EYS: variants seen among roughly 807,000 people sequenced by gnomAD.
EYS encodes the protein EGF-like photoreceptor maintenance factor, also known as protein eyes shut homolog.
A neutral mutation model predicts 282.1 loss-of-function variants in EYS; 250 were observed. The ratio of observed to expected loss-of-function variants is 0.89; its 90% confidence interval spans 0.80 to 0.98. The LOEUF (loss-of-function observed/expected upper bound fraction) is 0.98, where lower values mean the gene tolerates loss of function less well. Among genes scored for constraint, EYS ranks in the 50% least tolerant of loss-of-function variants. EYS has a pLI of 0.00. For synonymous variants in EYS, 1,355 were observed against 1,282.9 expected (o/e 1.06, Z -1.20); for missense variants, 4,016 against 3,709.0 (o/e 1.08, Z -2.15).
intron 5 of EYS, among the ~76,000 whole-genome samples, chr6:65,424,493 T>A (rs1278387193): frequency 6.6e-6 from 1 of 152,028 alleles, no homozygotes; most frequent in Non-Finnish European, 1.5e-5. Context: ...TACACAGTAT[T>A]AAATAAATGC....
intron 26 of EYS, among the ~76,000 whole-genome samples, chr6:64,584,299 A>G (rs1281018921): frequency 1.3e-5 from 2 of 151,982 alleles, no homozygotes; most frequent in Non-Finnish European, 2.9e-5. Flanking sequence ...GGTTGTATAC[A>G]TGGTTTTACA....
chr6:64,704,140 C>A (rs1770890791), intron 22 of EYS, among the ~76,000 whole-genome samples: 1 of 151,720 alleles, frequency 6.6e-6, no homozygotes, highest in African/African-American at 2.4e-5. Flanking sequence ...GCATGAAATT[C>A]TAAACAAGAA....
intron 12 of EYS, among the ~76,000 whole-genome samples, chr6:65,062,847 T>C (rs971681404): frequency 6.6e-6 from 1 of 151,870 alleles, no homozygotes; most frequent in Non-Finnish European, 1.5e-5. Context: ...TCTTTTACTT[T>C]GCTTTATAAA....
intron 19 of EYS, among the ~76,000 whole-genome samples, chr6:64,845,495 T>C (rs531945867): frequency 3.3e-5 from 5 of 149,936 alleles, no homozygotes; most frequent in African/African-American, 1.2e-4. Flanking sequence ...ATATAATTGA[T>C]TTTATTCAAG....
rs191327656 is a variant in EYS, at chr6:64,479,547, T to C, written c.5645-40195A>G. On this transcript the variant is annotated intron_variant, in intron 26 of 42. Transcript: ENST00000503581. ...AATGCATCATTCCCTGAACTATAAA[T>C]GCTTGGCTGTTTGTTTTAAATCCTT... 1.2e-3 allele frequency among the ~76,000 whole-genome samples: 177 copies of C among 152,106 alleles called. 1 individual carries two copies. The highest frequency in any genetic ancestry group is 1.9e-3 in the Non-Finnish European group (130 of 67,924).
rs1766364827 is a variant in EYS at position 65,619,243 on chromosome 6, T to C, written c.-333+20535A>G. On this transcript the variant is annotated intron_variant, in intron 2 of 42. Coordinates refer to ENST00000503581, the MANE Select transcript of EYS (RefSeq NM_001142800.2). ...TTTTATTTCATTGAGCAGTGGTTTG[T>C]AGTTCTCCTTGAAGAGGTCCTTCAC... is the stretch of plus-strand genomic sequence containing the variant. Among the ~76,000 whole-genome samples, 2 of 151,622 alleles carry C rather than the reference T, an allele frequency of 1.3e-5. 1 individual carries two copies. The highest frequency in any genetic ancestry group is 4.2e-4 in the South Asian group (2 of 4,778).
intron 36 of EYS, among the ~76,000 whole-genome samples, chr6:63,820,458 A>G (rs2149685536): frequency 6.6e-6 from 1 of 152,302 alleles, no homozygotes; most frequent in Admixed American, 6.5e-5. Flanking sequence ...TTTTAAAAAA[A>G]TTGTCCAAAT....
intron 35 of EYS, among the ~76,000 whole-genome samples, chr6:63,874,394 A>G (rs6914379): frequency 0.5 from 76,345 of 152,002 alleles, 20,656 homozygotes; most frequent in African/African-American, 0.7. Context: ...TTTTGTTACC[A>G]TAGCCTTGTA....
chr6:65,202,758 T>C (rs965612025), intron 12 of EYS, among the ~76,000 whole-genome samples: 2 of 151,834 alleles, frequency 1.3e-5, no homozygotes, highest in African/African-American at 4.8e-5. Context: ...TGGGCACAAA[T>C]GGTTTTGGGT....
At chr6:65,393,760 G>C (rs1766153482) in intron 7 of EYS, among the ~76,000 whole-genome samples, 1 of 151,872 alleles carries the variant, frequency 6.6e-6, no homozygotes, top group Non-Finnish European at 1.5e-5. Context: ...TTGGGGATGG[G>C]GGTGGGGGAA....
chr6:64,717,025 C>T (rs561014699), intron 22 of EYS, among the ~76,000 whole-genome samples: 86 of 152,198 alleles, frequency 5.7e-4, no homozygotes, highest in Non-Finnish European at 8.8e-4. Context: ...TTGGCTCTTC[C>T]CCCTTTTCAA....
chr6:64,263,610 GT>G (rs1476176161), intron 30 of EYS, among the ~76,000 whole-genome samples: 1 of 151,988 alleles, frequency 6.6e-6, no homozygotes, highest in Admixed American at 6.6e-5. Flanking sequence ...TGTCACTGTT[GT>G]TTTTAATTTA....
chr6:63,820,319 A>G (rs1020795317), intron 36 of EYS, among the ~76,000 whole-genome samples: 2 of 152,096 alleles, frequency 1.3e-5, no homozygotes, highest in African/African-American at 4.8e-5. Context: ...CTTTGATTTT[A>G]TCTTTATTTT....
chr6:64,128,534 T>TCCCTAAG lies in EYS; in HGVS notation c.6425-46539_6425-46533dup, dbSNP rs1773859791. ...ATGTTTATCTCTAATCCCTAGGCAA[T>TCCCTAAG]CCCTAAGCAACAGACAGAAATGTAA... On this transcript the variant is annotated intron_variant, in intron 31 of 42. Transcript: ENST00000503581. Among the ~76,000 whole-genome samples, 2 of 152,034 alleles carry TCCCTAAG rather than the reference T, an allele frequency of 1.3e-5. 1 individual carries two copies. The highest frequency in any genetic ancestry group is 4.1e-4 in the South Asian group (2 of 4,824).
chr6:64,737,588 T>G (rs1478028624), intron 22 of EYS, among the ~76,000 whole-genome samples: 1 of 152,168 alleles, frequency 6.6e-6, no homozygotes, highest in African/African-American at 2.4e-5. Flanking sequence ...ATCTTGAAAT[T>G]TTTAACATTT....
At chr6:64,565,869 T>C (rs1765550210) in intron 26 of EYS, among the ~76,000 whole-genome samples, 1 of 151,412 alleles carries the variant, frequency 6.6e-6, no homozygotes, top group African/African-American at 2.4e-5. Flanking sequence ...AAACATAACA[T>C]TATATACCTT....
chr6:63,911,574 C>T (rs1207431674), intron 35 of EYS, among the ~76,000 whole-genome samples: 1 of 152,156 alleles, frequency 6.6e-6, no homozygotes, highest in African/African-American at 2.4e-5. Flanking sequence ...AATTGATAAT[C>T]CTTGAGCAAT....
chr6:65,349,191 G>A (rs1313806131), intron 9 of EYS, among the ~76,000 whole-genome samples: 2 of 151,150 alleles, frequency 1.3e-5, no homozygotes, highest in Non-Finnish European at 3.0e-5. Flanking sequence ...TTTGTGTTTT[G>A]TCATATTTGT....
At chr6:63,993,887 C>G (rs1767714597) in intron 34 of EYS, among the ~76,000 whole-genome samples, 1 of 151,844 alleles carries the variant, frequency 6.6e-6, no homozygotes, top group Non-Finnish European at 1.5e-5. Context: ...CACTTCCTGA[C>G]TTCACAGTAT....
Sources: allele counts gnomAD v4.1 joint callset (sites outside exome capture counted in the v4.1 genomes callset), GRCh38; gene constraint gnomAD v4.1.1; transcripts MANE v1.5; gene names NCBI Gene and HGNC (gene_info 2026-07-23, HGNC 2026-07-21).